Variants in DCAF12 observed in about 807,000 individuals in gnomAD.
DCAF12 encodes the protein DDB1- and CUL4-associated factor 12.
DCAF12 carries 28 observed loss-of-function variants against 52.8 expected under a neutral mutation model. The ratio of observed to expected loss-of-function variants is 0.53; its 90% CI spans 0.39 to 0.73. The LOEUF is 0.73. Among genes scored for constraint, DCAF12 ranks in the 30% least tolerant of loss-of-function variants. The probability of loss-of-function intolerance (pLI) is 0.00; values close to 1 mark genes in which losing one functional copy is unlikely to be tolerated. For missense variants in DCAF12, 425 were observed against 552.2 expected, an observed-to-expected ratio of 0.77 and a Z score of 2.31; for synonymous variants, 196 against 215.5, an observed-to-expected ratio of 0.91 and a Z score of 0.79.
intron 2 of DCAF12, among the ~76,000 whole-genome samples, chr9:34,120,139 G>A (rs1829148324): frequency 1.4e-5 from 2 of 144,978 alleles, no homozygotes; most frequent in Non-Finnish European, 3.0e-5. Flanking sequence ...GGAGGCGGAG[G>A]TTGCAGTGAG....
rs371088209 is a variant in DCAF12 at position 34,088,526 on chromosome 9, G to A, written c.1204-18C>T. 2 of 1,613,942 alleles carry A rather than the reference G, an allele frequency of 1.2e-6. No homozygotes were observed. Among genetic ancestry groups the A allele is most frequent in the Non-Finnish European group, 1.7e-6 (2 of 1,179,910 alleles). ...TCATGATTCTACGGGAAGAGAAAGAGACTACAATTAGCACCTCTAGCCATG... is the reference window on the plus strand; with the variant it reads ...TCATGATTCTACGGGAAGAGAAAGAAACTACAATTAGCACCTCTAGCCATG... On this transcript the variant is annotated intron_variant, in intron 8 of 8. Coordinates refer to ENST00000361264, the MANE Select transcript of DCAF12 (RefSeq NM_015397.4).
Position 34,096,755 on chromosome 9 carries a change from G to A in DCAF12, c.822C>T (p.Gly274=), listed in dbSNP as rs773121323. ...TTTCAGCCTTCCAGAGATGAAAGTA[G>A]CCATCCAGAGACACTGCTCCCAGTT... is the stretch of plus-strand genomic sequence containing the variant. ...NKELGAVSLD[G]YFHLWKAENT... is the part of the protein sequence containing the mutation. Residue 274 remains glycine, a synonymous_variant, in exon 6 of 9, where the codon GGC becomes GGT. Transcript: ENST00000361264. The A allele has an allele frequency of 6.2e-7, 1 of 1,614,026 alleles. No homozygotes were observed. Among genetic ancestry groups the A allele is most frequent in the Admixed American group, 1.7e-5 (1 of 59,992 alleles).
chr9:34,111,861 G>A (rs757090829), intron 2 of DCAF12, among the ~76,000 whole-genome samples: 7 of 152,214 alleles, frequency 4.6e-5, no homozygotes, highest in South Asian at 2.1e-4. Context: ...TGGGCCAGGC[G>A]CAGTGGCTTA....
chr9:34,111,790 C>T (rs907663709), intron 2 of DCAF12, among the ~76,000 whole-genome samples: 3 of 152,078 alleles, frequency 2.0e-5, no homozygotes, highest in Non-Finnish European at 4.4e-5. Flanking sequence ...CCAAACCGCC[C>T]GGGTGGCCAC....
chr9:34,098,259 G>C (rs17341977), intron 5 of DCAF12, 65 bp downstream of exon 5: 245,141 of 1,515,050 alleles, frequency 0.16, 21,728 homozygotes, highest in South Asian at 0.31. Flanking sequence ...GAAGGAAAAA[G>C]GAGTGCATAT....
intron 7 of DCAF12, among the ~76,000 whole-genome samples, chr9:34,091,416 G>A (rs978870444): frequency 6.6e-6 from 1 of 151,912 alleles, no homozygotes; most frequent in Non-Finnish European, 1.5e-5. Context: ...GGAGGCTGAG[G>A]TGGGTGTCCC....
intron 2 of DCAF12, among the ~76,000 whole-genome samples, chr9:34,107,979 T>A (rs1302228057): frequency 2.6e-5 from 4 of 152,118 alleles, no homozygotes; most frequent in Non-Finnish European, 4.4e-5. Context: ...CCAGAACACA[T>A]CATGGCTACT....
chr9:34,110,844 T>C (rs1347022887), intron 2 of DCAF12, among the ~76,000 whole-genome samples: 5 of 152,084 alleles, frequency 3.3e-5, no homozygotes, highest in Non-Finnish European at 7.4e-5. Context: ...TCTACTATCA[T>C]CACCTCTTGC....
At chr9:34,105,748 A>G (rs1162599884) in intron 4 of DCAF12, among the ~76,000 whole-genome samples, 1 of 143,034 alleles carries the variant, frequency 7.0e-6, no homozygotes, top group African/African-American at 2.6e-5. Context: ...TTATCTATCT[A>G]TCCATCCTTT....
intron 2 of DCAF12, among the ~76,000 whole-genome samples, chr9:34,123,345 A>G (rs1829202934): frequency 6.6e-6 from 1 of 152,244 alleles, no homozygotes; most frequent in Admixed American, 6.5e-5. Flanking sequence ...GTACTTTTAA[A>G]TAAGTAAGAT....
At chr9:34,113,780 G>A (rs1829042522) in intron 2 of DCAF12, among the ~76,000 whole-genome samples, 2 of 152,184 alleles carry the variant, frequency 1.3e-5, no homozygotes, top group Non-Finnish European at 2.9e-5. Context: ...TACGGAATCA[G>A]CCGAAGTGTG....
intron 4 of DCAF12, among the ~76,000 whole-genome samples, chr9:34,103,367 A>G (rs1828859390): frequency 6.6e-6 from 1 of 151,286 alleles, no homozygotes; most frequent in African/African-American, 2.4e-5. Flanking sequence ...AGACATGGCC[A>G]CTGCACTCCA....
In DCAF12 at chr9:34,098,314, A is replaced by G; in HGVS notation, c.795+10T>C. ...GAATACACGTCAGGGATCCCTACAC[A>G]AGTTCATACCTTGTTCTTGTTGTTG... On this transcript the variant is annotated intron_variant, in intron 5 of 8. Coordinates refer to ENST00000361264, the MANE Select transcript of DCAF12 (RefSeq NM_015397.4). The G allele has an allele frequency of 3.1e-6, 5 of 1,612,306 alleles. No individual in the cohort carries two copies. The highest frequency in any genetic ancestry group is 4.2e-6 in the Non-Finnish European group (5 of 1,179,018).
At chr9:34,106,388 C>T (rs1383765885) in intron 4 of DCAF12, 46 bp downstream of exon 4, 2 of 1,510,768 alleles carry the variant, frequency 1.3e-6, no homozygotes, top group East Asian at 2.3e-5. Flanking sequence ...TCTCTAGCCC[C>T]CAATCCCTGC....
chr9:34,096,870 C>T, intron 5 of DCAF12, 89 bp from the exon 6 acceptor site: 2 of 1,211,720 alleles, frequency 1.7e-6, no homozygotes, highest in Non-Finnish European at 2.4e-6. Flanking sequence ...GGTCAGGGTC[C>T]TTTATTCCTG....
At chr9:34,117,845 C>T (rs1382679756) in intron 2 of DCAF12, among the ~76,000 whole-genome samples, 1 of 151,974 alleles carries the variant, frequency 6.6e-6, no homozygotes, top group Admixed American at 6.6e-5. Flanking sequence ...ACCCAGGAGG[C>T]GGAGGTTGCA....
Position 34,096,788 on chromosome 9 carries a change from G to T in DCAF12, c.796-7C>A. The T allele has an allele frequency of 6.2e-7, 1 of 1,613,490 alleles. No individual in the cohort carries two copies. Among genetic ancestry groups the T allele is most frequent in the African/African-American group, 1.3e-5 (1 of 75,022 alleles). ...GAGACACTGCTCCCAGTTCCTACAA[G>T]AGCAATGAAAACCAGGTTATATTAT... On this transcript the variant is annotated splice_polypyrimidine_tract_variant and splice_region_variant and intron_variant, in intron 5 of 8. Transcript: ENST00000361264.
intron 2 of DCAF12, among the ~76,000 whole-genome samples, chr9:34,124,024 T>C (rs1044627327): frequency 6.6e-6 from 1 of 152,202 alleles, no homozygotes; most frequent in Non-Finnish European, 1.5e-5. Context: ...CTATGTCCTT[T>C]ATAAACAGAC....
chr9:34,113,644 T>A (rs769840502), intron 2 of DCAF12, among the ~76,000 whole-genome samples: 1 of 152,056 alleles, frequency 6.6e-6, no homozygotes, highest in Non-Finnish European at 1.5e-5. Context: ...CAAGGCTGAA[T>A]TTTCTTTAAA....
Sources: allele counts gnomAD v4.1 joint callset (sites outside exome capture counted in the v4.1 genomes callset), GRCh38; gene constraint gnomAD v4.1.1; transcripts MANE v1.5; gene names NCBI Gene and HGNC (gene_info 2026-07-23, HGNC 2026-07-21).